Variants in RARB observed in about 807,000 individuals in gnomAD.
RARB encodes retinoic acid receptor beta.
A neutral mutation model predicts 51.9 loss-of-function variants in RARB; 17 were observed. The ratio of observed to expected loss-of-function variants is 0.33; its 90% CI spans 0.22 to 0.49. The LOEUF (loss-of-function observed/expected upper bound fraction) is 0.49, where lower values mean the gene tolerates loss of function less well. RARB is among the 20% of genes least tolerant of loss of function. RARB has a pLI of 0.99. For synonymous variants in RARB, 215 were observed against 195.4 expected (o/e 1.10, Z -0.84); for missense variants, 369 against 550.8 (o/e 0.67, Z 3.30).
At chr3:24,995,256 G>A (rs1696997231) in intron 2 of RARB, among the ~76,000 whole-genome samples, 1 of 150,844 alleles carries the variant, frequency 6.6e-6, no homozygotes, top group South Asian at 2.1e-4. Flanking sequence ...TTTTGTAAAT[G>A]GGATTGCCTT....
chr3:25,574,745 C>T (rs1419893805), intron 4 of RARB, among the ~76,000 whole-genome samples: 2 of 152,162 alleles, frequency 1.3e-5, no homozygotes, highest in Non-Finnish European at 2.9e-5. Context: ...AAAGACTTTC[C>T]AGGAGACATA....
chr3:25,303,297 G>GC (rs1704083196), intron 5 of RARB, among the ~76,000 whole-genome samples: 1 of 152,156 alleles, frequency 6.6e-6, no homozygotes, highest in Admixed American at 6.6e-5. Flanking sequence ...TCCCAAGTTT[G>GC]CCAAGCCCCT....
intron 2 of RARB, among the ~76,000 whole-genome samples, chr3:24,898,215 C>T (rs763821548): frequency 2.3e-4 from 35 of 152,062 alleles, no homozygotes; most frequent in Non-Finnish European, 4.6e-4. Context: ...GCATTGCTTT[C>T]TCTCATACCC....
At chr3:25,498,014 G>A (rs1373482551) in intron 2 of RARB, among the ~76,000 whole-genome samples, 1 of 152,168 alleles carries the variant, frequency 6.6e-6, no homozygotes, top group African/African-American at 2.4e-5. Context: ...AGCAAGAAGT[G>A]AGGAGGGCTG....
chr3:25,022,369 C>T (rs572088095), intron 2 of RARB, among the ~76,000 whole-genome samples: 1 of 152,194 alleles, frequency 6.6e-6, no homozygotes, highest in Non-Finnish European at 1.5e-5. Context: ...CTTTGCTCAA[C>T]ATTCCCTTTG....
chr3:25,584,678 G>A (rs1415690964), intron 5 of RARB, among the ~76,000 whole-genome samples: 1 of 152,190 alleles, frequency 6.6e-6, no homozygotes, highest in African/African-American at 2.4e-5. Flanking sequence ...ATCGTGCACA[G>A]ATTCTCCTTC....
At chr3:25,218,614 C>CA (rs1225948240) in intron 5 of RARB, among the ~76,000 whole-genome samples, 2 of 152,112 alleles carry the variant, frequency 1.3e-5, no homozygotes, top group Non-Finnish European at 2.9e-5. Context: ...CCTCAGGAAA[C>CA]AAAAAACTTC....
chr3:25,285,417 G>T (rs1285866304), intron 5 of RARB, among the ~76,000 whole-genome samples: 1 of 152,190 alleles, frequency 6.6e-6, no homozygotes, highest in Non-Finnish European at 1.5e-5. Flanking sequence ...GGCAGGCTGT[G>T]CAGGGGTTTG....
At chr3:25,068,973 C>T (rs1328357263) in intron 3 of RARB, among the ~76,000 whole-genome samples, 1 of 151,488 alleles carries the variant, frequency 6.6e-6, no homozygotes, top group Non-Finnish European at 1.5e-5. Flanking sequence ...ACACAATTAC[C>T]CTAAACCCAG....
At chr3:25,123,276 T>C (rs562045874) in intron 3 of RARB, among the ~76,000 whole-genome samples, 49 of 152,336 alleles carry the variant, frequency 3.2e-4, no homozygotes, top group African/African-American at 1.2e-3. Flanking sequence ...TCATTTCTAT[T>C]GGCGTCAATT....
intron 3 of RARB, among the ~76,000 whole-genome samples, chr3:25,105,834 A>C (rs1400849075): frequency 6.6e-6 from 1 of 152,218 alleles, no homozygotes; most frequent in Non-Finnish European, 1.5e-5. Context: ...TCATGAACAT[A>C]TATCTTCTTT....
At chr3:25,299,588 A>G (rs557123081) in intron 5 of RARB, among the ~76,000 whole-genome samples, 1 of 152,174 alleles carries the variant, frequency 6.6e-6, no homozygotes. Context: ...TTCATATCAC[A>G]TTTAATTGTT....
At chr3:24,872,921 CCA>C (rs1473139757) in intron 2 of RARB, among the ~76,000 whole-genome samples, 1 of 152,174 alleles carries the variant, frequency 6.6e-6, no homozygotes, top group Non-Finnish European at 1.5e-5. Flanking sequence ...TGTTTTCACA[CCA>C]GTTATTTTCT....
chr3:25,547,777 A>C (rs773705924), intron 3 of RARB, among the ~76,000 whole-genome samples: 4 of 152,232 alleles, frequency 2.6e-5, no homozygotes, highest in Non-Finnish European at 4.4e-5. Flanking sequence ...GCAGAGAGGG[A>C]AGAAAGGAGG....
At chr3:25,433,774 C>A (rs1459132346) in intron 1 of RARB, among the ~76,000 whole-genome samples, 1 of 152,184 alleles carries the variant, frequency 6.6e-6, no homozygotes, top group African/African-American at 2.4e-5. Context: ...GCTCTGAATT[C>A]TCCTCTTTTC....
chr3:25,004,286 A>G (rs1300500847), intron 2 of RARB, among the ~76,000 whole-genome samples: 1 of 152,182 alleles, frequency 6.6e-6, no homozygotes, highest in East Asian at 1.9e-4. Flanking sequence ...AAAGAGAAAA[A>G]TCAAATAGGA....
At chr3:25,326,895 T>A (rs1050292115) in intron 5 of RARB, among the ~76,000 whole-genome samples, 1 of 152,158 alleles carries the variant, frequency 6.6e-6, no homozygotes, top group Admixed American at 6.5e-5. Context: ...AAGTGCAGGT[T>A]TGTTACATAC....
chr3:25,563,934 C>G lies in RARB; in HGVS notation c.449-5824C>G, dbSNP rs534810465. ...AGAACTTTATGGACAAAAATACCAT[C>G]AATTGTATTTTCCTTTTTTTTTTTT... On this transcript the variant is annotated intron_variant, in intron 3 of 7. Transcript: ENST00000330688. 4.2e-5 allele frequency among the ~76,000 whole-genome samples: 6 copies of G among 141,678 alleles called. No homozygotes were observed. In the South Asian group the frequency reaches 1.3e-3, roughly 31 times the overall value. The allele number at this position is 141,678 out of a possible 152,430, so 92.9% of individuals were successfully genotyped here.
At chr3:25,432,484 C>G (rs922191163) in intron 1 of RARB, among the ~76,000 whole-genome samples, 1 of 152,128 alleles carries the variant, frequency 6.6e-6, no homozygotes, top group African/African-American at 2.4e-5. Context: ...AGATAAATGA[C>G]CAGAATGGCT....
Sources: allele counts gnomAD v4.1 joint callset (sites outside exome capture counted in the v4.1 genomes callset), GRCh38; gene constraint gnomAD v4.1.1; transcripts MANE v1.5; gene names NCBI Gene and HGNC (gene_info 2026-07-23, HGNC 2026-07-21).